Variants in CTNNA3 observed in about 807,000 individuals in gnomAD.
The protein encoded by CTNNA3 is catenin alpha 3, also known as catenin alpha-3.
In CTNNA3, 76 loss-of-function variants were observed where a neutral mutation model predicts 95.7. The observed-to-expected ratio is 0.79, with a 90% CI of 0.66 to 0.96. The LOEUF is 0.96. Among genes scored for constraint, CTNNA3 ranks in the 40% least tolerant of loss-of-function variants. The pLI is 0.00. For missense variants in CTNNA3, 1,191 were observed against 1,089.8 expected, an observed-to-expected ratio of 1.09 and a Z score of -1.31; for synonymous variants, 431 against 374.4, an observed-to-expected ratio of 1.15 and a Z score of -1.74.
chr10:66,675,555 T>A (rs563205353), intron 9 of CTNNA3, among the ~76,000 whole-genome samples: 1 of 152,260 alleles, frequency 6.6e-6, no homozygotes, highest in South Asian at 2.1e-4. Flanking sequence ...TAAATAGCTG[T>A]CAACATGATT....
chr10:66,208,774 C>A (rs2087928690), intron 13 of CTNNA3, among the ~76,000 whole-genome samples: 1 of 151,958 alleles, frequency 6.6e-6, no homozygotes, highest in Non-Finnish European at 1.5e-5. Flanking sequence ...GCCCTCAGCC[C>A]TCAGCCGCAG....
chr10:66,393,092 A>T (rs2092946809), intron 11 of CTNNA3, among the ~76,000 whole-genome samples: 1 of 152,150 alleles, frequency 6.6e-6, no homozygotes, highest in Admixed American at 6.6e-5. Flanking sequence ...AAGAAAAGAC[A>T]TGCAGGAAAT....
Position 65,954,224 on chromosome 10 carries a change from G to A in CTNNA3, c.2400+12388C>T, listed in dbSNP as rs187695792. On this transcript the variant is annotated intron_variant, in intron 17 of 17. Coordinates refer to ENST00000433211, the MANE Select transcript of CTNNA3 (RefSeq NM_013266.4). The stretch of plus-strand genomic sequence containing the variant: ...TGTTCATATCCTTCGCCCACTTTTT[G>A]ATGGGGCTGTTTGATTTTTTCTTGT... Among the ~76,000 whole-genome samples the A allele has an allele frequency of 2.0e-4, 31 of 152,240 alleles. 1 individual carries two copies. In the East Asian group the frequency reaches 5.0e-3, roughly 25 times the overall value.
intron 1 of CTNNA3, among the ~76,000 whole-genome samples, chr10:67,730,563 C>T (rs1253935713): frequency 5.9e-5 from 9 of 151,824 alleles, no homozygotes; most frequent in Non-Finnish European, 8.8e-5. Flanking sequence ...GAAGACATTA[C>T]GGAAGAGAAC....
chr10:66,305,747 T>A (rs2091925013), intron 12 of CTNNA3, among the ~76,000 whole-genome samples: 1 of 152,174 alleles, frequency 6.6e-6, no homozygotes, highest in South Asian at 2.1e-4. Flanking sequence ...ATACTGATGC[T>A]ACAGATTCAG....
intron 13 of CTNNA3, among the ~76,000 whole-genome samples, chr10:66,192,344 T>C (rs571247667): frequency 1.7e-3 from 257 of 152,324 alleles, no homozygotes; most frequent in African/African-American, 5.7e-3. Context: ...AAATGTGTTT[T>C]GTGCAAATAT....
intron 10 of CTNNA3, among the ~76,000 whole-genome samples, chr10:66,595,389 G>A (rs1168406426): frequency 1.3e-5 from 2 of 151,746 alleles, no homozygotes; most frequent in Non-Finnish European, 2.9e-5. Flanking sequence ...TGTCACCCAG[G>A]CTGGAGTGCA....
rs371195177 is a variant in CTNNA3 at position 67,647,885 on chromosome 10, AGGCAGCCTATG to A, written c.-5-378_-5-368del. ...TGGCTTCTGTGAAATCACAGCACTGAGGCAGCCTATGCCCATATTTTGCTTCTTCTTGTTAA... is the reference window on the plus strand; with the variant it reads ...TGGCTTCTGTGAAATCACAGCACTGACCCATATTTTGCTTCTTCTTGTTAA... On this transcript the variant is annotated intron_variant, in intron 1 of 17. Coordinates refer to ENST00000433211, the MANE Select transcript of CTNNA3 (RefSeq NM_013266.4). Among the ~76,000 whole-genome samples, 64 of 151,260 alleles carry A rather than the reference AGGCAGCCTATG, an allele frequency of 4.2e-4. No individual in the cohort carries two copies. The East Asian group carries it at 0.012, about 27-fold the overall frequency.
chr10:66,432,131 A>T (rs1382655079), intron 11 of CTNNA3, among the ~76,000 whole-genome samples: 1 of 152,098 alleles, frequency 6.6e-6, no homozygotes, highest in Non-Finnish European at 1.5e-5. Context: ...GTATTTAATA[A>T]TAAAAAACAA....
chr10:67,289,483 A>G (rs1035672651), intron 5 of CTNNA3, among the ~76,000 whole-genome samples: 1 of 152,216 alleles, frequency 6.6e-6, no homozygotes, highest in African/African-American at 2.4e-5. Context: ...GTCAAAACAA[A>G]TGATTGTCAG....
chr10:67,446,083 C>T (rs1286689873), intron 5 of CTNNA3, among the ~76,000 whole-genome samples: 1 of 152,098 alleles, frequency 6.6e-6, no homozygotes, highest in African/African-American at 2.4e-5. Context: ...ACAGTCTCTG[C>T]CCTCAAGCAC....
At chr10:67,357,947 TA>T (rs1044224958) in intron 5 of CTNNA3, among the ~76,000 whole-genome samples, 2 of 152,088 alleles carry the variant, frequency 1.3e-5, no homozygotes, top group Admixed American at 6.6e-5. Flanking sequence ...ACATATAAAT[TA>T]ATGGAGCAAA....
At chr10:67,712,913 C>T (rs548678423) in intron 1 of CTNNA3, among the ~76,000 whole-genome samples, 1 of 152,246 alleles carries the variant, frequency 6.6e-6, no homozygotes, top group South Asian at 2.1e-4. Context: ...GCCACTGGAA[C>T]AAAAGCCAAA....
chr10:66,869,722 G>A (rs769792182), intron 7 of CTNNA3, among the ~76,000 whole-genome samples: 1 of 152,098 alleles, frequency 6.6e-6, no homozygotes, highest in Non-Finnish European at 1.5e-5. Context: ...AGGCAGATTA[G>A]AGAACAAGTA....
chr10:67,661,471 CAT>C (rs1840187659), intron 1 of CTNNA3, among the ~76,000 whole-genome samples: 1 of 152,008 alleles, frequency 6.6e-6, no homozygotes, highest in Non-Finnish European at 1.5e-5. Context: ...TAGAAGAAAA[CAT>C]AGGAAAAAAA....
intron 6 of CTNNA3, among the ~76,000 whole-genome samples, chr10:67,197,760 A>C (rs1012782889): frequency 1.3e-5 from 2 of 152,152 alleles, no homozygotes; most frequent in South Asian, 4.1e-4. Context: ...TATCCAGTTA[A>C]ATAGAAATTA....
rs1246239177 is a variant in CTNNA3 at position 67,225,588 on chromosome 10, T to C, written c.580-5718A>G. Among the ~76,000 whole-genome samples the C allele has an allele frequency of 8.6e-5, 13 of 152,016 alleles. No homozygotes were observed. The East Asian group carries it at 2.5e-3, about 29-fold the overall frequency. On this transcript the variant is annotated intron_variant, in intron 5 of 17. Transcript: ENST00000433211. ...CCCACAGTACCAACCCAGAGCAGGG[T>C]AGACTTGCTGGGTGGCTAGACCCAG...
intron 13 of CTNNA3, among the ~76,000 whole-genome samples, chr10:66,217,352 CAAAA>C (rs34541755): frequency 7.8e-6 from 1 of 128,216 alleles, no homozygotes. Flanking sequence ...GACTCTATCT[CAAAA>C]AAAAAAAAAA....
intron 7 of CTNNA3, among the ~76,000 whole-genome samples, chr10:66,896,316 G>A (rs956267432): frequency 6.6e-6 from 1 of 152,020 alleles, no homozygotes; most frequent in Admixed American, 6.6e-5. Flanking sequence ...GTAGGCTAAT[G>A]GACTCTATAA....
Sources: gnomAD v4.1 joint callset for allele counts (sites outside exome capture counted in the v4.1 genomes callset) on GRCh38, gnomAD v4.1.1 for gene constraint, MANE v1.5 for transcripts, NCBI Gene and HGNC (gene_info 2026-07-23, HGNC 2026-07-21) for gene names.